NDEL1: variants seen among roughly 807,000 people sequenced by gnomAD.
The protein encoded by NDEL1 is nuclear distribution protein nudE-like 1.
Under a neutral mutation model 45.7 loss-of-function variants are expected in NDEL1, and 9 were observed. That is an observed-to-expected ratio of 0.20 (90% CI 0.12 to 0.34). NDEL1 has a LOEUF of 0.34. Among genes scored for constraint, NDEL1 ranks in the 10% least tolerant of loss-of-function variants. NDEL1 has a pLI of 1.00. For synonymous variants in NDEL1, 133 were observed against 158.6 expected, an observed-to-expected ratio of 0.84 and a Z score of 1.21; for missense variants, 306 against 406.2, an observed-to-expected ratio of 0.75 and a Z score of 2.12.
chr17:8,417,714 G>A (rs778540530), intron 1 of NDEL1, among the ~76,000 whole-genome samples: 5 of 152,172 alleles, frequency 3.3e-5, no homozygotes, highest in Admixed American at 6.5e-5. Context: ...CAGGGGACAC[G>A]AGGGGGTCTC....
chr17:8,446,953 G>T (rs572660522), intron 4 of NDEL1, 51 bp downstream of exon 4: 1 of 1,572,254 alleles, frequency 6.4e-7, no homozygotes, highest in Admixed American at 1.9e-5. Flanking sequence ...GGTAATTAGT[G>T]ATTAAAATCT....
intron 1 of NDEL1, among the ~76,000 whole-genome samples, chr17:8,438,340 CTA>C (rs1392523023): frequency 1.3e-5 from 2 of 152,108 alleles, no homozygotes; most frequent in Non-Finnish European, 2.9e-5. Context: ...AGTATGTTTT[CTA>C]TATTAGCTAA....
At chr17:8,416,982 C>G (rs1044375184) in intron 1 of NDEL1, among the ~76,000 whole-genome samples, 1 of 152,072 alleles carries the variant, frequency 6.6e-6, no homozygotes, top group Non-Finnish European at 1.5e-5. Context: ...TTTTTTGAAG[C>G]CCCGTGTTCT....
chr17:8,419,849 C>T (rs1019541196), intron 1 of NDEL1, among the ~76,000 whole-genome samples: 1 of 152,116 alleles, frequency 6.6e-6, no homozygotes, highest in Non-Finnish European at 1.5e-5. Context: ...TTAGATACCT[C>T]CACAGCTTTG....
chr17:8,473,035 C>T (rs1244076537), downstream of NDEL1, among the ~76,000 whole-genome samples: 2 of 152,148 alleles, frequency 1.3e-5, no homozygotes, highest in Admixed American at 6.5e-5. Context: ...TCTGGAGTGT[C>T]GGGTCAGTCA....
chr17:8,433,845 CAT>C (rs1344820887), upstream of NDEL1, among the ~76,000 whole-genome samples: 1 of 152,062 alleles, frequency 6.6e-6, no homozygotes, highest in Non-Finnish European at 1.5e-5. Flanking sequence ...GAAATCCATG[CAT>C]AGTTTTTTCA....
intron 4 of NDEL1, 146 bp from the exon 5 acceptor site, chr17:8,448,404 T>C: frequency 1.3e-6 from 1 of 763,920 alleles, no homozygotes; most frequent in South Asian, 1.9e-5. Flanking sequence ...CCAGCAGTGG[T>C]CAGGAAGGGG....
At chr17:8,438,919 T>C (rs1909534250) in intron 1 of NDEL1, among the ~76,000 whole-genome samples, 1 of 150,220 alleles carries the variant, frequency 6.7e-6, no homozygotes, top group African/African-American at 2.5e-5. Flanking sequence ...GACCACAAAG[T>C]AAGAAGTTTT....
chr17:8,450,410 T>C (rs536695057), intron 5 of NDEL1, among the ~76,000 whole-genome samples: 214 of 152,326 alleles, frequency 1.4e-3, no homozygotes, highest in African/African-American at 5.0e-3. Flanking sequence ...CATTTAAAAT[T>C]ACAAAAATGC....
chr17:8,417,163 C>A (rs924314087), intron 1 of NDEL1, among the ~76,000 whole-genome samples: 4 of 152,022 alleles, frequency 2.6e-5, no homozygotes, highest in African/African-American at 9.7e-5. Flanking sequence ...GTCTCCCAGG[C>A]TGGAGTACAA....
chr17:8,472,618 A>G (rs545823111), downstream of NDEL1, among the ~76,000 whole-genome samples: 10 of 152,304 alleles, frequency 6.6e-5, no homozygotes, highest in African/African-American at 2.2e-4. Context: ...AGCTGAGAGC[A>G]TGCCACTGCG....
intron 5 of NDEL1, among the ~76,000 whole-genome samples, chr17:8,449,094 T>A (rs1003759921): frequency 5.3e-5 from 8 of 152,370 alleles, no homozygotes; most frequent in Middle Eastern, 6.8e-3. Context: ...ACAATTCTCC[T>A]GCCTCAGCCT....
chr17:8,439,235 C>T (rs1022544740), intron 1 of NDEL1, among the ~76,000 whole-genome samples: 2 of 146,424 alleles, frequency 1.4e-5, no homozygotes, highest in Admixed American at 6.8e-5. Context: ...CCACTGTGCC[C>T]GGCCTTTTTT....
chr17:8,415,035 A>G (rs1908511689), intron 1 of NDEL1, among the ~76,000 whole-genome samples: 1 of 152,028 alleles, frequency 6.6e-6, no homozygotes, highest in Non-Finnish European at 1.5e-5. Flanking sequence ...GAATGTTGTC[A>G]TCTTAGGAGT....
chr17:8,436,276 A>G, intron 1 of NDEL1: 1 of 180,620 alleles, frequency 5.5e-6, no homozygotes. Context: ...CAAGGGAACG[A>G]TTCCGGTGGC....
upstream of NDEL1, chr17:8,431,308 C>T (rs1266496727): frequency 6.6e-6 from 1 of 152,306 alleles, no homozygotes; most frequent in African/African-American, 2.4e-5. Flanking sequence ...AGCAGAGCCC[C>T]AGAGCCTGAA....
At chr17:8,428,487 C>T (rs1908905945) in intron 1 of NDEL1, among the ~76,000 whole-genome samples, 2 of 151,480 alleles carry the variant, frequency 1.3e-5, no homozygotes, top group South Asian at 4.2e-4. Flanking sequence ...GCCTCAGCCT[C>T]CCGAGTAGCT....
intron 1 of NDEL1, among the ~76,000 whole-genome samples, chr17:8,441,647 T>C (rs191519616): frequency 6.6e-6 from 1 of 152,338 alleles, no homozygotes; most frequent in Admixed American, 6.5e-5. Flanking sequence ...GTAACATGTC[T>C]TCACCACAAC....
intron 1 of NDEL1, among the ~76,000 whole-genome samples, chr17:8,442,777 C>CTTTTTTTTTTTTTTTTTT (rs34963430): frequency 2.4e-5 from 2 of 84,122 alleles, no homozygotes; most frequent in African/African-American, 9.6e-5. Context: ...TATTTATTTA[C>CTTTTTTTTTTTTTTTTTT]TTTTTTTTTT....
Sources: allele counts gnomAD v4.1 joint callset (sites outside exome capture counted in the v4.1 genomes callset), GRCh38; gene constraint gnomAD v4.1.1; transcripts MANE v1.5; gene names NCBI Gene and HGNC (gene_info 2026-07-23, HGNC 2026-07-21).